XIRP2: variants seen among roughly 807,000 people sequenced by gnomAD.
XIRP2 encodes xin actin-binding repeat-containing protein 2.
Under a neutral mutation model 277.0 loss-of-function variants are expected in XIRP2, and 236 were observed. The ratio of observed to expected loss-of-function variants is 0.85; its 90% CI spans 0.77 to 0.95. XIRP2 has a LOEUF of 0.95. Ranked by LOEUF, XIRP2 falls within the 40% of genes least tolerant of loss-of-function variation. The pLI is 0.00. For missense variants in XIRP2, 4,640 were observed against 4,157.5 expected (o/e 1.12, Z -3.19); for synonymous variants, 1,490 against 1,416.5 (o/e 1.05, Z -1.17).
intron 2 of XIRP2, among the ~76,000 whole-genome samples, chr2:167,051,782 T>G (rs1300809819): frequency 6.6e-6 from 1 of 152,072 alleles, no homozygotes; most frequent in Non-Finnish European, 1.5e-5. Flanking sequence ...GTCAAGCACA[T>G]TTGAAGAAAT....
At chr2:167,132,466 C>A (rs760006899) in intron 2 of XIRP2, among the ~76,000 whole-genome samples, 1 of 151,344 alleles carries the variant, frequency 6.6e-6, no homozygotes, top group African/African-American at 2.4e-5. Flanking sequence ...AGTTAGACTG[C>A]GCTTTTCACA....
chr2:167,072,985 A>G (rs892112633), intron 2 of XIRP2, among the ~76,000 whole-genome samples: 1 of 152,208 alleles, frequency 6.6e-6, no homozygotes, highest in Non-Finnish European at 1.5e-5. Flanking sequence ...AAACGATAAA[A>G]GTAAAATTTT....
intron 2 of XIRP2, among the ~76,000 whole-genome samples, chr2:167,061,303 A>G (rs1483717619): frequency 1.3e-5 from 2 of 152,108 alleles, no homozygotes; most frequent in Non-Finnish European, 2.9e-5. Context: ...AGATCAACAC[A>G]ATTTTATTCT....
chr2:166,941,970 C>A (rs1158957912), intron 2 of XIRP2, among the ~76,000 whole-genome samples: 1 of 152,194 alleles, frequency 6.6e-6, no homozygotes, highest in African/African-American at 2.4e-5. Context: ...GTTCTGCTCT[C>A]CATCTTCTCT....
chr2:167,107,066 AG>A (rs1235939615), intron 2 of XIRP2, among the ~76,000 whole-genome samples: 14 of 151,616 alleles, frequency 9.2e-5, no homozygotes, highest in Non-Finnish European at 1.8e-4. Context: ...TGTTTTTTAT[AG>A]GTTATTTGAA....
chr2:166,966,367 T>G (rs1251119148), intron 2 of XIRP2, among the ~76,000 whole-genome samples: 1 of 151,896 alleles, frequency 6.6e-6, no homozygotes, highest in African/African-American at 2.4e-5. Context: ...CAGATATACC[T>G]AAATTTGAAA....
In XIRP2 at chr2:167,243,052, C is replaced by A; in HGVS notation, c.1660C>A (p.Gln554Lys). ...YVFENTNDSS[Q>K]KDLNSEREYL... ...TTTTGAAAACACAAATGACAGTTCT[C>A]AAAAAGATCTGAACTCAGAAAGAGA... is the stretch of plus-strand genomic sequence containing the variant. The change falls in exon 9 of 11, where the codon CAA becomes AAA. Residue 554 changes from glutamine (Q) to lysine (K), a missense_variant. Transcript: ENST00000409195. 6.2e-7 allele frequency: 1 copy of A among 1,613,960 alleles called. No individual in the cohort carries two copies. Among genetic ancestry groups the A allele is most frequent in the South Asian group, 1.1e-5 (1 of 91,052 alleles).
At position 167,059,450 on chromosome 2, in the gene XIRP2, AAAAATAAAATAAAATAAAAT is replaced by A. The variant is rs56983000; in HGVS notation, c.409-76434_409-76415del. ...AATAGGGTTAGATTAACATGTGGAAAAAAATAAAATAAAATAAAATAAAATAAAATAAAATAAAATAAAAC... is the reference window on the plus strand; with the variant it reads ...AATAGGGTTAGATTAACATGTGGAAAAAAATAAAATAAAATAAAATAAAAC... On this transcript the variant is annotated intron_variant, in intron 2 of 10. Transcript: ENST00000409195. Among the ~76,000 whole-genome samples, 5 of 140,376 alleles carry A rather than the reference AAAAATAAAATAAAATAAAAT, an allele frequency of 3.6e-5. No individual in the cohort carries two copies. In the East Asian group the frequency reaches 6.2e-4, roughly 17 times the overall value. The allele number at this position is 140,376 out of a possible 152,430, so 92.1% of individuals were successfully genotyped here.
In XIRP2 at chr2:167,246,500, T is replaced by C; in HGVS notation, c.5108T>C (p.Ile1703Thr). Residue 1703 changes from isoleucine to threonine, a missense_variant, in exon 9 of 11, where the codon ATT (isoleucine) becomes ACT (threonine). Coordinates refer to ENST00000409195, the MANE Select transcript of XIRP2 (RefSeq NM_152381.6). ...CTTCATGAAAATGATGGTGACACAA[T>C]TGAGCGTGAAGAAGTAATAGGTGGT... ...CLLHENDGDT[I>T]EREEVIGGDV... is the part of the protein sequence containing the mutation. The C allele has an allele frequency of 2.5e-6, 4 of 1,613,678 alleles. No homozygotes were observed. The highest frequency in any genetic ancestry group is 3.3e-4 in the Middle Eastern group (2 of 6,054).
chr2:167,055,364 C>T (rs1175799016), intron 2 of XIRP2, among the ~76,000 whole-genome samples: 1 of 152,100 alleles, frequency 6.6e-6, no homozygotes, highest in Non-Finnish European at 1.5e-5. Flanking sequence ...GATTTTCCTA[C>T]TAGGGGTAAA....
At chr2:166,902,806 G>C (rs537971290) in intron 1 of XIRP2, among the ~76,000 whole-genome samples, 1 of 152,006 alleles carries the variant, frequency 6.6e-6, no homozygotes, top group African/African-American at 2.4e-5. Flanking sequence ...TCAAATCCAG[G>C]CTTTGTCACT....
intron 2 of XIRP2, among the ~76,000 whole-genome samples, chr2:167,133,610 T>C (rs1293957241): frequency 6.6e-6 from 1 of 152,230 alleles, no homozygotes. Context: ...TCTGAGTCCA[T>C]GGACCATGTT....
In XIRP2 at chr2:167,245,221, T is replaced by A; in HGVS notation, c.3829T>A (p.Phe1277Ile). The change falls in exon 9 of 11, where the codon TTT becomes ATT. Residue 1277 changes from phenylalanine to isoleucine, a missense_variant. Physicochemically the swap from Phe to Ile is conservative, Grantham distance 21 (BLOSUM62 0). Transcript: ENST00000409195. ...IQGGDVRKGC[F>I]IFETFSLDEI... ...AGGTGGGGATGTAAGAAAGGGGTGC[T>A]TTATTTTTGAGACTTTTTCTTTAGA... 1 of 1,613,722 alleles carries A rather than the reference T, an allele frequency of 6.2e-7. No homozygotes were observed. Among genetic ancestry groups the A allele is most frequent in the Non-Finnish European group, 8.5e-7 (1 of 1,179,754 alleles).
chr2:166,995,580 C>A (rs1446918960), intron 2 of XIRP2, among the ~76,000 whole-genome samples: 1 of 152,118 alleles, frequency 6.6e-6, no homozygotes, highest in Non-Finnish European at 1.5e-5. Flanking sequence ...GAGAAAATGT[C>A]CCTTCTGTGT....
chr2:166,963,609 G>C (rs1366203388), intron 2 of XIRP2, among the ~76,000 whole-genome samples: 5 of 151,764 alleles, frequency 3.3e-5, no homozygotes, highest in South Asian at 2.1e-4. Context: ...TTTTAGGTAA[G>C]AGAAATCCAC....
At chr2:167,024,154 G>C (rs1302538857) in intron 2 of XIRP2, among the ~76,000 whole-genome samples, 1 of 152,016 alleles carries the variant, frequency 6.6e-6, no homozygotes, top group Non-Finnish European at 1.5e-5. Context: ...AGTTCTCCTT[G>C]AAAAGGTCCC....
chr2:167,133,822 T>A (rs139146489), intron 2 of XIRP2, among the ~76,000 whole-genome samples: 14 of 152,292 alleles, frequency 9.2e-5, no homozygotes, highest in Non-Finnish European at 1.3e-4. Context: ...CAGAATGAAC[T>A]GAGATAAGGA....
At chr2:166,955,135 A>G (rs974355535) in intron 2 of XIRP2, among the ~76,000 whole-genome samples, 4 of 151,896 alleles carry the variant, frequency 2.6e-5, no homozygotes, top group Non-Finnish European at 5.9e-5. Context: ...AGCATTTTTC[A>G]TAAGAGACAA....
intron 5 of XIRP2, among the ~76,000 whole-genome samples, chr2:167,223,541 T>C (rs1001666936): frequency 2.0e-5 from 3 of 152,216 alleles, no homozygotes; most frequent in Admixed American, 6.5e-5. Flanking sequence ...AGATATAATC[T>C]GACTACTGTG....
Sources: allele counts gnomAD v4.1 joint callset (sites outside exome capture counted in the v4.1 genomes callset), GRCh38; gene constraint gnomAD v4.1.1; transcripts MANE v1.5; gene names NCBI Gene and HGNC (gene_info 2026-07-23, HGNC 2026-07-21).